ETV5: variants seen among roughly 807,000 people sequenced by gnomAD.
ETV5 encodes ETS translocation variant 5.
Under a neutral mutation model 70.0 loss-of-function variants are expected in ETV5, and 10 were observed. The observed-to-expected ratio is 0.14, with a 90% CI of 0.09 to 0.24. The LOEUF (loss-of-function observed/expected upper bound fraction) is 0.24. Ranked by LOEUF, ETV5 falls within the 10% of genes least tolerant of loss-of-function variation. The pLI, the probability that ETV5 is intolerant of heterozygous loss-of-function variation, is 1.00. For missense variants in ETV5, 453 were observed against 651.2 expected, an observed-to-expected ratio of 0.70 and a Z score of 3.31; for synonymous variants, 216 against 242.2, an observed-to-expected ratio of 0.89 and a Z score of 1.01.
At chr3:186,076,228 A>G in intron 7 of ETV5, 1 of 218,520 alleles carries the variant, frequency 4.6e-6, no homozygotes, top group Non-Finnish European at 9.2e-6. Context: ...CTAAAAATAA[A>G]TTGAGTTGTG....
intron 12 of ETV5, among the ~76,000 whole-genome samples, chr3:186,051,094 A>T (rs559089924): frequency 2.3e-4 from 35 of 152,380 alleles, no homozygotes; most frequent in African/African-American, 7.5e-4. Flanking sequence ...GAACAGCCTC[A>T]GAGCCTGTAT....
chr3:186,071,198 GAA>G (rs774748036), intron 7 of ETV5, among the ~76,000 whole-genome samples: 1 of 144,670 alleles, frequency 6.9e-6, no homozygotes, highest in African/African-American at 2.5e-5. Flanking sequence ...ATGCTCACAG[GAA>G]AAAAAAAAAG....
At chr3:186,108,511 C>G in intron 1 of ETV5, 1 of 1,287,496 alleles carries the variant, frequency 7.8e-7, no homozygotes, top group Non-Finnish European at 1.0e-6. Context: ...TCAGACATTC[C>G]CCTCAAACTG....
chr3:186,083,751 G>A (rs1405628148), intron 5 of ETV5, among the ~76,000 whole-genome samples: 4 of 152,112 alleles, frequency 2.6e-5, no homozygotes, highest in Admixed American at 6.5e-5. Flanking sequence ...GTTCTTAACC[G>A]TGAAGGCAGG....
chr3:186,096,638 A>G (rs1449787197), intron 5 of ETV5, among the ~76,000 whole-genome samples: 1 of 152,112 alleles, frequency 6.6e-6, no homozygotes, highest in African/African-American at 2.4e-5. Context: ...GGGAAAAAAA[A>G]ATCCTTGAGG....
chr3:186,049,445 T>C (rs1038027516), intron 12 of ETV5, among the ~76,000 whole-genome samples: 1 of 152,208 alleles, frequency 6.6e-6, no homozygotes, highest in South Asian at 2.1e-4. Context: ...ATTATAATAT[T>C]AGAACCAGAA....
intron 7 of ETV5, among the ~76,000 whole-genome samples, chr3:186,073,663 G>T (rs1332568936): frequency 1.3e-5 from 2 of 152,200 alleles, no homozygotes; most frequent in Non-Finnish European, 2.9e-5. Context: ...AAGGTTGAAA[G>T]AAATAATAGA....
At chr3:186,097,963 AG>A in intron 5 of ETV5, among the ~76,000 whole-genome samples, 1 of 152,314 alleles carries the variant, frequency 6.6e-6, no homozygotes. Context: ...TTCAGGCAAG[AG>A]GGGGAATCTG....
At position 186,089,963 on chromosome 3, in the gene ETV5, G is replaced by A. The variant is rs543893420; in HGVS notation, c.233-8788C>T. Among the ~76,000 whole-genome samples the A allele has an allele frequency of 1.5e-3, 230 of 152,298 alleles. 2 individuals are homozygous for A. The highest frequency in any genetic ancestry group is 1.9e-3 in the Non-Finnish European group (131 of 68,016). ...AGACGCACACCAGGGTATTTGGGGT[G>A]AAATGTTATAATGCCTGAAACTTGC... On this transcript the variant is annotated intron_variant, in intron 5 of 12. Coordinates refer to ENST00000306376, the MANE Select transcript of ETV5 (RefSeq NM_004454.3).
At chr3:186,106,433 G>A (rs747212335) in intron 1 of ETV5, among the ~76,000 whole-genome samples, 2 of 152,104 alleles carry the variant, frequency 1.3e-5, no homozygotes, top group African/African-American at 4.8e-5. Context: ...CATTTTGTAG[G>A]TCACTGTTAA....
At chr3:186,083,367 G>A (rs968270754) in intron 5 of ETV5, among the ~76,000 whole-genome samples, 1 of 152,184 alleles carries the variant, frequency 6.6e-6, no homozygotes, top group African/African-American at 2.4e-5. Context: ...AGTTTGGAAA[G>A]AAAACAATTA....
intron 5 of ETV5, among the ~76,000 whole-genome samples, chr3:186,089,020 A>G (rs1714121344): frequency 6.6e-6 from 1 of 152,244 alleles, no homozygotes; most frequent in African/African-American, 2.4e-5. Flanking sequence ...TACACATAAA[A>G]TCTATTATAC....
At chr3:186,059,330 C>T (rs1479537735) in intron 9 of ETV5, among the ~76,000 whole-genome samples, 1 of 152,166 alleles carries the variant, frequency 6.6e-6, no homozygotes, top group East Asian at 1.9e-4. Flanking sequence ...TTATGCCAGG[C>T]GTTGTGCTAG....
chr3:186,108,664 C>A, intron 1 of ETV5: 1 of 1,158,632 alleles, frequency 8.6e-7, no homozygotes, highest in Non-Finnish European at 1.1e-6. Flanking sequence ...GGAGCCCCCG[C>A]ACTCGCGCTC....
rs142245897 is a variant in ETV5, at chr3:186,105,315, C to T, written c.222G>A (p.Gln74=). The T allele has an allele frequency of 6.2e-7, 1 of 1,612,498 alleles. No individual in the cohort carries two copies. The highest frequency in any genetic ancestry group is 1.1e-5 in the South Asian group (1 of 90,778). The change falls in exon 5 of 13, where the codon CAG becomes CAA. Residue 74 remains glutamine (Q), a synonymous_variant. Transcript: ENST00000306376. The surrounding 1 kb of genome is among the most constrained non-coding windows in gnomAD (Gnocchi z 4.5). ...CAGAAAGGTACTTACGGTTATCAGA[C>T]TGAAAATCTGGGACAAACTGTTCAT... ...PDDEQFVPDF[Q]SDNLVLHAPP... is the part of the protein sequence containing the mutation.
At chr3:186,086,082 G>A (rs531857527) in intron 5 of ETV5, among the ~76,000 whole-genome samples, 1 of 152,282 alleles carries the variant, frequency 6.6e-6, no homozygotes, top group Admixed American at 6.5e-5. Flanking sequence ...AAGATCTTGC[G>A]TGAGCTGTCT....
intron 7 of ETV5, among the ~76,000 whole-genome samples, chr3:186,067,401 C>G (rs1039226968): frequency 6.6e-6 from 1 of 152,068 alleles, no homozygotes; most frequent in African/African-American, 2.4e-5. Flanking sequence ...CACTGCACAC[C>G]AGCCTTGTGA....
At chr3:186,070,664 A>C (rs545077757) in intron 7 of ETV5, among the ~76,000 whole-genome samples, 3 of 152,362 alleles carry the variant, frequency 2.0e-5, no homozygotes, top group African/African-American at 7.2e-5. Context: ...AGATTAGTGA[A>C]GTCATTCAGT....
chr3:186,069,538 AG>A (rs1713547511), intron 7 of ETV5, among the ~76,000 whole-genome samples: 3 of 151,966 alleles, frequency 2.0e-5, no homozygotes, highest in South Asian at 4.2e-4. Flanking sequence ...GTCTAAAAAA[AG>A]ACTTAAAAAA....
Sources: allele counts gnomAD v4.1 joint callset (sites outside exome capture counted in the v4.1 genomes callset), GRCh38; gene constraint gnomAD v4.1.1; non-coding constraint Gnocchi (gnomAD v3.1); transcripts MANE v1.5; gene names NCBI Gene and HGNC (gene_info 2026-07-23, HGNC 2026-07-21).